ZFAND2A: variants seen among roughly 807,000 people sequenced by gnomAD.
The protein encoded by ZFAND2A is AN1-type zinc finger protein 2A.
ZFAND2A carries 20 observed loss-of-function variants against 11.6 expected under a neutral mutation model. The ratio of observed to expected loss-of-function variants is 1.72; its 90% CI spans 1.21 to 2.50. The LOEUF is 2.50. ZFAND2A is among the 30% of genes most tolerant of loss of function. The probability of loss-of-function intolerance (pLI) is 0.00; values close to 1 mark genes in which losing one functional copy is unlikely to be tolerated. For synonymous variants in ZFAND2A, 93 were observed against 60.6 expected (o/e 1.54, Z -2.48); for missense variants, 234 against 182.9 (o/e 1.28, Z -1.61).
intron 4 of ZFAND2A, among the ~76,000 whole-genome samples, chr7:1,153,562 G>C (rs572902243): frequency 6.6e-6 from 1 of 152,104 alleles, no homozygotes; most frequent in Non-Finnish European, 1.5e-5. Flanking sequence ...AACAGCCTCC[G>C]GTAAGAACAT....
In ZFAND2A at chr7:1,158,232, A is replaced by G. The variant is rs1188873319; in HGVS notation, c.-20T>C. 6.2e-7 allele frequency: 1 copy of G among 1,613,260 alleles called. No homozygotes were observed. Among genetic ancestry groups the G allele is most frequent in the South Asian group, 1.1e-5 (1 of 90,858 alleles). ...CTCCATTATGAGAACAGTGCTCAAAACGCAGATGGCGGAGTTAAGTGTCAC... is the reference window on the plus strand; with the variant it reads ...CTCCATTATGAGAACAGTGCTCAAAGCGCAGATGGCGGAGTTAAGTGTCAC... On this transcript the variant is annotated 5_prime_UTR_variant, in exon 2 of 5. Transcript: ENST00000316495.
chr7:1,150,222 C>T (rs748460237), downstream of ZFAND2A, among the ~76,000 whole-genome samples: 4 of 152,202 alleles, frequency 2.6e-5, no homozygotes, highest in South Asian at 2.1e-4. Context: ...GGTCCGTCAT[C>T]GACAGAAACA....
downstream of ZFAND2A, among the ~76,000 whole-genome samples, chr7:1,151,776 C>CAAAAAAAAAAAAAAAAAAAAAAAAAAAAA (rs1563158643): frequency 9.3e-4 from 49 of 52,636 alleles, no homozygotes; most frequent in South Asian, 1.4e-3. Flanking sequence ...AAAAAAAAAG[C>CAAAAAAAAAAAAAAAAAAAAAAAAAAAAA]AAAGCCAGCC....
downstream of ZFAND2A, chr7:1,152,798 G>GC (rs1369793108): frequency 7.1e-6 from 4 of 563,430 alleles, no homozygotes; most frequent in Non-Finnish European, 1.3e-5. Context: ...GACATCCTGC[G>GC]CCTGGACCTC....
At chr7:1,159,552 G>A (rs1793627847) in intron 1 of ZFAND2A, among the ~76,000 whole-genome samples, 1 of 96,262 alleles carries the variant, frequency 1.0e-5, no homozygotes, top group South Asian at 4.1e-4. Flanking sequence ...CGGCAGGCCC[G>A]GTCCCCAGCA....
chr7:1,160,085 C>G lies in ZFAND2A; in HGVS notation c.-167G>C, dbSNP rs1793652395. On this transcript the variant is annotated 5_prime_UTR_variant, in exon 1 of 5. Coordinates refer to ENST00000316495, the MANE Select transcript of ZFAND2A (RefSeq NM_182491.4). ...AGCAGAAAGAACCTCGACACTGGCA[C>G]CGAGACGCCGTCGGAGGCACACCCA... The G allele has an allele frequency of 6.5e-6, 1 of 153,084 alleles. No individual in the cohort carries two copies. The highest frequency in any genetic ancestry group is 1.5e-5 in the Non-Finnish European group (1 of 68,340). 9.5% of individuals were successfully genotyped at this position (153,084 alleles called of 1,614,324 possible).
rs1393484066 is a variant in ZFAND2A, at chr7:1,152,957, G to C, written c.*112C>G. 1 of 1,413,000 alleles carries C rather than the reference G, an allele frequency of 7.1e-7. No homozygotes were observed. Among genetic ancestry groups the C allele is most frequent in the South Asian group, 1.2e-5 (1 of 82,146 alleles). The allele number at this position is 1,413,000 out of a possible 1,614,324, so 87.5% of individuals were successfully genotyped here. On this transcript the variant is annotated 3_prime_UTR_variant, in exon 5 of 5. Transcript: ENST00000316495. ...TAGTCCCATCTCCCTCAACAAACAAGATCAGCAGCCAGTGTGGGATGGTGC... is the reference window on the plus strand; with the variant it reads ...TAGTCCCATCTCCCTCAACAAACAACATCAGCAGCCAGTGTGGGATGGTGC...
At chr7:1,152,540 C>CA (rs1793419091), downstream of ZFAND2A, among the ~76,000 whole-genome samples, 1 of 152,220 alleles carries the variant, frequency 6.6e-6, no homozygotes, top group South Asian at 2.1e-4. Context: ...ATCATGTCCC[C>CA]ACAAGACATG....
downstream of ZFAND2A, among the ~76,000 whole-genome samples, chr7:1,150,902 T>TTTTC (rs1457637386): frequency 7.0e-5 from 10 of 142,140 alleles, no homozygotes; most frequent in East Asian, 4.0e-4. Context: ...TTTTTTTTTT[T>TTTTC]TTTGAGATTC....
downstream of ZFAND2A, among the ~76,000 whole-genome samples, chr7:1,149,759 G>T (rs1793363989): frequency 6.6e-6 from 1 of 152,176 alleles, no homozygotes; most frequent in South Asian, 2.1e-4. Context: ...CTGCGTGTTT[G>T]TGCTTCCAAA....
At chr7:1,155,302 C>T (rs1017084697) in intron 4 of ZFAND2A, 151 bp downstream of exon 4, 2 of 1,077,438 alleles carry the variant, frequency 1.9e-6, no homozygotes, top group Non-Finnish European at 2.5e-6. Flanking sequence ...AGGCCCCTCG[C>T]AGTTTAGGAC....
chr7:1,157,139 C>G (rs186368889), intron 3 of ZFAND2A: 1 of 152,268 alleles, frequency 6.6e-6, no homozygotes, highest in African/African-American at 2.4e-5. Context: ...CCTCTGGACT[C>G]GGGGCAAGCT....
downstream of ZFAND2A, among the ~76,000 whole-genome samples, chr7:1,149,602 G>T (rs114774728): frequency 6.6e-6 from 1 of 152,246 alleles, no homozygotes; most frequent in Non-Finnish European, 1.5e-5. Flanking sequence ...TTGCATTGTC[G>T]TGCAAGCATC....
At chr7:1,154,183 A>ATTTT (rs141971953) in intron 4 of ZFAND2A, among the ~76,000 whole-genome samples, 1 of 128,858 alleles carries the variant, frequency 7.8e-6, no homozygotes, top group Non-Finnish European at 1.6e-5. Context: ...CCCACCGGTC[A>ATTTT]TTTTTTTTTT....
At chr7:1,150,976 C>T (rs930185500), downstream of ZFAND2A, among the ~76,000 whole-genome samples, 3 of 151,628 alleles carry the variant, frequency 2.0e-5, no homozygotes, top group Non-Finnish European at 4.4e-5. Context: ...CAACCTCCGC[C>T]TCCCAGGTTC....
At chr7:1,153,384 C>T (rs1793446147) in intron 4 of ZFAND2A, 160 bp from the exon 5 acceptor site, 7 of 713,290 alleles carry the variant, frequency 9.8e-6, no homozygotes, top group African/African-American at 3.6e-5. Context: ...CCTGGTACTA[C>T]AGGCACACAC....
chr7:1,149,151 T>G (rs1226733292), downstream of ZFAND2A, among the ~76,000 whole-genome samples: 1 of 152,150 alleles, frequency 6.6e-6, no homozygotes, highest in African/African-American at 2.4e-5. Context: ...CTCAAGACTT[T>G]AAAAATTAAA....
rs373785657 is a variant in ZFAND2A, at chr7:1,155,123, A to AAAAC, written c.282+326_282+329dup. ...CTGGGTGACAGAGCAAGACTGTCTC[A>AAAAC]AAACAAACAAACAAACAAACAAACA... On this transcript the variant is annotated intron_variant, in intron 4 of 4. Transcript: ENST00000316495. Among the ~76,000 whole-genome samples the AAAAC allele has an allele frequency of 1.2e-3, 188 of 152,230 alleles. 1 individual carries two copies. Among genetic ancestry groups the AAAAC allele is most frequent in the South Asian group, 3.7e-3 (18 of 4,820 alleles).
In ZFAND2A at chr7:1,155,690, C is replaced by T. The variant is rs188791954; in HGVS notation, c.151-106G>A. ...GGCACACTTAAACACAAAGAGAGGA[C>T]AAAAACCGGTCTCCCGAGCCCTCCG... On this transcript the variant is annotated intron_variant, in intron 3 of 4. Coordinates refer to ENST00000316495, the MANE Select transcript of ZFAND2A (RefSeq NM_182491.4). 9.0e-4 allele frequency: 1,302 copies of T among 1,441,586 alleles called. 11 individuals carry two copies. Among genetic ancestry groups the T allele is most frequent in the Non-Finnish European group, 6.8e-4 (735 of 1,077,164 alleles). 89.3% of individuals were successfully genotyped at this position (1,441,586 alleles called of 1,614,324 possible).
Sources: gnomAD v4.1 joint callset for allele counts (sites outside exome capture counted in the v4.1 genomes callset) on GRCh38, gnomAD v4.1.1 for gene constraint, MANE v1.5 for transcripts, NCBI Gene and HGNC (gene_info 2026-07-23, HGNC 2026-07-21) for gene names.